The following ZFHX3 variants were observed in gnomAD, a reference collection of about 807,000 sequenced individuals.
ZFHX3 encodes zinc finger homeobox protein 3.
ZFHX3 carries 42 observed loss-of-function variants against 279.1 expected under a neutral mutation model. The observed-to-expected ratio is 0.15, with a 90% CI of 0.12 to 0.19. ZFHX3 has a LOEUF of 0.19. ZFHX3 is among the 10% of genes least tolerant of loss of function. The probability of loss-of-function intolerance (pLI) is 1.00; values close to 1 mark genes in which losing one functional copy is unlikely to be tolerated. For missense variants in ZFHX3, 4,981 were observed against 4,754.0 expected (o/e 1.05, Z -1.40); for synonymous variants, 2,293 against 1,957.8 (o/e 1.17, Z -4.52).
intron 1 of ZFHX3, among the ~76,000 whole-genome samples, chr16:73,759,759 C>T (rs1449069740): frequency 6.6e-6 from 1 of 152,024 alleles, no homozygotes; most frequent in Non-Finnish European, 1.5e-5. Context: ...ATTCTATAAG[C>T]TATGCCCTTT....
intron 8 of ZFHX3, among the ~76,000 whole-genome samples, chr16:73,086,156 CACA>C (rs942196596): frequency 6.6e-6 from 1 of 151,932 alleles, no homozygotes; most frequent in African/African-American, 2.4e-5. Context: ...AAATCAAAAC[CACA>C]ACGAGATATC....
At chr16:73,145,085 G>A (rs1466013438) in intron 5 of ZFHX3, among the ~76,000 whole-genome samples, 1 of 152,212 alleles carries the variant, frequency 6.6e-6, no homozygotes, top group Non-Finnish European at 1.5e-5. Context: ...CCCATGGTTT[G>A]TACATCGTCC....
intron 8 of ZFHX3, among the ~76,000 whole-genome samples, chr16:73,074,918 C>A (rs994065136): frequency 6.6e-6 from 1 of 152,078 alleles, no homozygotes; most frequent in Admixed American, 6.6e-5. Flanking sequence ...TCCTAAGTAG[C>A]TAATTAGCCT....
chr16:73,693,202 C>CAG (rs895298169), intron 1 of ZFHX3, among the ~76,000 whole-genome samples: 15 of 152,126 alleles, frequency 9.9e-5, no homozygotes, highest in African/African-American at 3.6e-4. Context: ...TAGCACTTTT[C>CAG]AGAGATAATA....
At chr16:73,378,191 C>A (rs545669058) in intron 3 of ZFHX3, among the ~76,000 whole-genome samples, 10 of 152,056 alleles carry the variant, frequency 6.6e-5, no homozygotes, top group South Asian at 2.1e-4. Context: ...GCCTGCTACT[C>A]CCACTAACAG....
Position 73,470,393 on chromosome 16 carries a change from C to A in ZFHX3, c.-1546-14135G>T. Among the ~76,000 whole-genome samples, 2 of 152,142 alleles carry A rather than the reference C, an allele frequency of 1.3e-5. 1 individual carries two copies. Among genetic ancestry groups the A allele is most frequent in the Non-Finnish European group, 2.9e-5 (2 of 68,034 alleles). On this transcript the variant is annotated intron_variant, in intron 2 of 17. Transcript: ENST00000641206. ...GGTCTGTATCTGCCTTCACGTTTAGCGTGTTGTCTGCTAAACCGTTGATCT... is the reference window on the plus strand; with the variant it reads ...GGTCTGTATCTGCCTTCACGTTTAGAGTGTTGTCTGCTAAACCGTTGATCT...
At chr16:73,653,119 C>G (rs912787053) in intron 2 of ZFHX3, among the ~76,000 whole-genome samples, 3 of 152,028 alleles carry the variant, frequency 2.0e-5, no homozygotes, top group Admixed American at 6.6e-5. Flanking sequence ...AAAGTATTGA[C>G]AAAGAATGTT....
At position 73,039,201 on chromosome 16, in the gene ZFHX3, G is replaced by A. The variant is rs1017251611; in HGVS notation, c.-50+8551C>T. ...TCAAGCCCCTGAGCTCAAGCAATCC[G>A]CCTGCCTCTGCCTCCCAAAGTGCTG... On this transcript the variant is annotated intron_variant, in intron 1 of 9. Transcript: ENST00000268489. 3.3e-5 allele frequency among the ~76,000 whole-genome samples: 5 copies of A among 151,580 alleles called. No homozygotes were observed. The East Asian group carries it at 5.8e-4, about 18-fold the overall frequency.
intron 5 of ZFHX3, among the ~76,000 whole-genome samples, chr16:73,145,736 C>T (rs1045576735): frequency 6.6e-6 from 1 of 152,212 alleles, no homozygotes; most frequent in African/African-American, 2.4e-5. Flanking sequence ...GAGGTGATAC[C>T]GTCACTGACT....
intron 5 of ZFHX3, among the ~76,000 whole-genome samples, chr16:73,168,290 C>A (rs1306274635): frequency 1.2e-5 from 1 of 84,190 alleles, no homozygotes; most frequent in South Asian, 4.1e-4. Flanking sequence ...GAGACAAAGT[C>A]TCACTCTGTC....
upstream of ZFHX3, among the ~76,000 whole-genome samples, chr16:73,063,016 G>A (rs1400227931): frequency 2.0e-5 from 3 of 152,176 alleles, no homozygotes; most frequent in African/African-American, 4.8e-5. Context: ...GCTCTTCTTC[G>A]GGCTCCTCGG....
At chr16:73,292,695 A>G (rs1225923930) in intron 4 of ZFHX3, among the ~76,000 whole-genome samples, 2 of 151,764 alleles carry the variant, frequency 1.3e-5, no homozygotes, top group Non-Finnish European at 2.9e-5. Flanking sequence ...GTGTGGCGGG[A>G]GCGGGCCTCA....
intron 1 of ZFHX3, among the ~76,000 whole-genome samples, chr16:72,964,268 A>G (rs763761254): frequency 2.0e-5 from 3 of 152,378 alleles, no homozygotes; most frequent in South Asian, 2.1e-4. Flanking sequence ...CATGAAAAAC[A>G]TAACAGGAAA....
At chr16:73,477,757 T>C (rs1380292627) in intron 2 of ZFHX3, among the ~76,000 whole-genome samples, 1 of 152,124 alleles carries the variant, frequency 6.6e-6, no homozygotes, top group Non-Finnish European at 1.5e-5. Flanking sequence ...CCCTTGAGAA[T>C]GGGGTGTCAG....
At position 73,347,709 on chromosome 16, in the gene ZFHX3, T is replaced by C. The variant is rs558078618; in HGVS notation, c.-1290-29373A>G. On this transcript the variant is annotated intron_variant, in intron 3 of 17. Coordinates refer to the ZFHX3 transcript ENST00000641206. ...TAATTTCATCTGTTTTGCAGAAATA[T>C]TTACTAAGGGTGAGTGATGGAGGCA... Among the ~76,000 whole-genome samples, 3 of 152,362 alleles carry C rather than the reference T, an allele frequency of 2.0e-5. No homozygotes were observed. The East Asian group carries it at 5.8e-4, about 29-fold the overall frequency.
intron 2 of ZFHX3, among the ~76,000 whole-genome samples, chr16:73,563,170 TTGTGTGTGTGTGTG>T (rs200933190): frequency 0.047 from 6,325 of 134,908 alleles, 174 homozygotes; most frequent in Non-Finnish European, 0.051. Context: ...TTTTGTTTTG[TTGTGTGTGTGTGTG>T]TGTGTGTGTG....
At chr16:73,604,152 T>G (rs999885439) in intron 2 of ZFHX3, among the ~76,000 whole-genome samples, 27 of 152,132 alleles carry the variant, frequency 1.8e-4, no homozygotes, top group African/African-American at 6.0e-4. Flanking sequence ...TTTATATATA[T>G]AGATAGATAT....
intron 1 of ZFHX3, among the ~76,000 whole-genome samples, chr16:73,012,665 GA>G (rs1337009451): frequency 6.6e-6 from 1 of 152,192 alleles, no homozygotes; most frequent in Non-Finnish European, 1.5e-5. Context: ...CAAAAGAGAA[GA>G]GGAGAGAAAA....
intron 1 of ZFHX3, among the ~76,000 whole-genome samples, chr16:72,984,526 T>G (rs1165237680): frequency 6.6e-6 from 1 of 151,448 alleles, no homozygotes; most frequent in Non-Finnish European, 1.5e-5. Flanking sequence ...CTTGGGAGGC[T>G]GAGGTGTGAA....
Sources: gnomAD v4.1 joint callset for allele counts (sites outside exome capture counted in the v4.1 genomes callset) on GRCh38, gnomAD v4.1.1 for gene constraint, MANE v1.5 for transcripts, NCBI Gene and HGNC (gene_info 2026-07-23, HGNC 2026-07-21) for gene names.